TLCD4: variants seen among roughly 807,000 people sequenced by gnomAD.
The protein encoded by TLCD4 is TLC domain-containing protein 4.
Under a neutral mutation model 24.2 loss-of-function variants are expected in TLCD4, and 7 were observed. That is an observed-to-expected ratio of 0.29 (90% CI 0.16 to 0.54). The LOEUF is 0.54. Ranked by LOEUF, TLCD4 falls within the 20% of genes least tolerant of loss-of-function variation. The probability of loss-of-function intolerance (pLI) is 0.95; values close to 1 mark genes in which losing one functional copy is unlikely to be tolerated. For missense variants in TLCD4, 259 were observed against 313.9 expected, an observed-to-expected ratio of 0.82 and a Z score of 1.32; for synonymous variants, 103 against 106.4, an observed-to-expected ratio of 0.97 and a Z score of 0.20.
Position 95,119,651 on chromosome 1 carries a change from C to T in TLCD4, c.-12+2034C>T, listed in dbSNP as rs568502671. 1.4e-3 allele frequency among the ~76,000 whole-genome samples: 210 copies of T among 152,302 alleles called. 1 individual carries two copies. Among genetic ancestry groups the T allele is most frequent in the South Asian group, 2.5e-3 (12 of 4,824 alleles). On this transcript the variant is annotated intron_variant, in intron 1 of 6. Transcript: ENST00000370203. Reference sequence around the variant, plus strand: ...GTGTTTCTGGCTCCTCAGAGTCAAGCACAGCTGTCTTAACAGTTTTCAGAC... The same window carrying T: ...GTGTTTCTGGCTCCTCAGAGTCAAGTACAGCTGTCTTAACAGTTTTCAGAC...
intron 1 of TLCD4, among the ~76,000 whole-genome samples, chr1:95,140,380 A>C (rs531751373): frequency 3.3e-5 from 5 of 152,298 alleles, no homozygotes; most frequent in African/African-American, 1.2e-4. Flanking sequence ...TTATAATCTT[A>C]TGAGACCACC....
At chr1:95,181,580 ATTAT>A (rs563089465) in intron 6 of TLCD4, among the ~76,000 whole-genome samples, 1 of 146,104 alleles carries the variant, frequency 6.8e-6, no homozygotes, top group African/African-American at 2.5e-5. Context: ...AATTTGTTTA[ATTAT>A]TTATTTATTT....
At chr1:95,165,926 A>G (rs1678004847) in intron 5 of TLCD4, among the ~76,000 whole-genome samples, 1 of 152,302 alleles carries the variant, frequency 6.6e-6, no homozygotes, top group Non-Finnish European at 1.5e-5. Context: ...AGGAACTCTG[A>G]AAAGGGTTGG....
At chr1:95,152,701 AT>A (rs1432433657) in intron 5 of TLCD4, among the ~76,000 whole-genome samples, 1 of 152,152 alleles carries the variant, frequency 6.6e-6, no homozygotes. Context: ...TTAGAGCTTA[AT>A]GAATCCTCTT....
intron 2 of TLCD4, among the ~76,000 whole-genome samples, chr1:95,144,588 C>T (rs1282647910): frequency 1.3e-5 from 2 of 148,842 alleles, no homozygotes; most frequent in Admixed American, 1.3e-4. Flanking sequence ...GTAAAAATTT[C>T]TTTTTAGTTT....
chr1:95,112,123 T>C, the TLCD4 span, among the ~76,000 whole-genome samples: 1 of 152,120 alleles, frequency 6.6e-6, no homozygotes, highest in South Asian at 2.1e-4. Context: ...TGGCTTCTAC[T>C]CACTAGATGC....
At chr1:95,159,579 C>G (rs1313173365) in intron 5 of TLCD4, among the ~76,000 whole-genome samples, 1 of 152,062 alleles carries the variant, frequency 6.6e-6, no homozygotes, top group African/African-American at 2.4e-5. Flanking sequence ...AAGTCTTTGC[C>G]CATGCCTATG....
chr1:95,185,203 T>C (rs1409285460), intron 6 of TLCD4, among the ~76,000 whole-genome samples: 1 of 151,940 alleles, frequency 6.6e-6, no homozygotes, highest in African/African-American at 2.4e-5. Flanking sequence ...AGAGAAGCAG[T>C]GGAGGGGAGG....
chr1:95,192,890 A>C lies in TLCD4; in HGVS notation c.*1022A>C, dbSNP rs115557123. On this transcript the variant is annotated 3_prime_UTR_variant, in exon 7 of 7. Coordinates refer to ENST00000370203, the MANE Select transcript of TLCD4 (RefSeq NM_152487.3). Reference sequence around the variant, plus strand: ...AAGACAGATTATAGACCTCCTTAAGAGATGAGTTTCTTCTTCTAAAAATGC... The same window carrying C: ...AAGACAGATTATAGACCTCCTTAAGCGATGAGTTTCTTCTTCTAAAAATGC... The C allele has an allele frequency of 7.0e-3, 1,071 of 152,326 alleles. 7 individuals carry two copies. Among genetic ancestry groups the C allele is most frequent in the African/African-American group, 0.025 (1,029 of 41,574 alleles). The allele number at this position is 152,326 out of a possible 1,614,324, so 9.4% of individuals were successfully genotyped here.
chr1:95,161,620 C>A (rs1004790774), intron 5 of TLCD4, among the ~76,000 whole-genome samples: 2 of 152,166 alleles, frequency 1.3e-5, no homozygotes, highest in Non-Finnish European at 2.9e-5. Flanking sequence ...ATCTTTCCTG[C>A]TTTCTCTTGT....
At chr1:95,115,265 C>T (rs1019292745), upstream of TLCD4, among the ~76,000 whole-genome samples, 2 of 151,862 alleles carry the variant, frequency 1.3e-5, no homozygotes, top group African/African-American at 2.4e-5. Context: ...CACCACCATG[C>T]CTGGCTAATT....
chr1:95,120,772 G>T (rs772268245), intron 1 of TLCD4, among the ~76,000 whole-genome samples: 2 of 152,118 alleles, frequency 1.3e-5, no homozygotes, highest in Middle Eastern at 3.2e-3. Flanking sequence ...TGAGACCCAG[G>T]GCATAGCAAG....
chr1:95,177,366 A>C (rs995232134), intron 6 of TLCD4, among the ~76,000 whole-genome samples: 2 of 152,158 alleles, frequency 1.3e-5, no homozygotes, highest in Non-Finnish European at 2.9e-5. Flanking sequence ...CAGGGGTAAC[A>C]CAGTAAGTTG....
Position 95,192,011 on chromosome 1 carries a change from A to G in TLCD4, c.*143A>G, listed in dbSNP as rs1233033116. 4.2e-6 allele frequency: 6 copies of G among 1,440,404 alleles called. No homozygotes were observed. The East Asian group carries it at 1.2e-4, about 30-fold the overall frequency. 89.2% of individuals were successfully genotyped at this position (1,440,404 alleles called of 1,614,324 possible). ...TCATTTTTTTTAAACCTTAGAAAAG[A>G]GAAGGCCGGGCACGGTGGCTCATGC... On this transcript the variant is annotated 3_prime_UTR_variant, in exon 7 of 7. Transcript: ENST00000370203.
chr1:95,093,638 T>C, the TLCD4 span, among the ~76,000 whole-genome samples: 2 of 152,362 alleles, frequency 1.3e-5, no homozygotes, highest in African/African-American at 4.8e-5. Context: ...AGCCTTCACC[T>C]TCATGTAATG....
At chr1:95,187,004 T>C (rs1678850455) in intron 6 of TLCD4, among the ~76,000 whole-genome samples, 1 of 152,240 alleles carries the variant, frequency 6.6e-6, no homozygotes, top group Non-Finnish European at 1.5e-5. Flanking sequence ...TACACAGATA[T>C]GTTTTACTGC....
intron 1 of TLCD4, among the ~76,000 whole-genome samples, chr1:95,133,617 T>A (rs1160818076): frequency 6.6e-6 from 1 of 152,082 alleles, no homozygotes; most frequent in Non-Finnish European, 1.5e-5. Context: ...TGAAGTAGGA[T>A]GGGGGTCATC....
In TLCD4 at chr1:95,148,891, C is replaced by T. The variant is rs1031343495; in HGVS notation, c.245+100C>T. The T allele has an allele frequency of 2.0e-5, 27 of 1,378,632 alleles. No individual in the cohort carries two copies. In the African/African-American group the frequency reaches 3.5e-4, roughly 18 times the overall value. 85.4% of individuals were successfully genotyped at this position (1,378,632 alleles called of 1,614,324 possible). A position where few individuals can be genotyped will look rare whatever the true frequency, so the allele number is the denominator to read the frequency against. On this transcript the variant is annotated intron_variant, in intron 3 of 6. Coordinates refer to ENST00000370203, the MANE Select transcript of TLCD4 (RefSeq NM_152487.3). ...ACTTTAAAACAGAAAACATATTGAT[C>T]GTATATGCCTTATTAAAATGCTTGT...
chr1:95,181,023 G>A (rs940910279), intron 6 of TLCD4, among the ~76,000 whole-genome samples: 12 of 152,196 alleles, frequency 7.9e-5, no homozygotes, highest in African/African-American at 2.9e-4. Flanking sequence ...CTTGAACCCA[G>A]TTGGTGGAGG....
Sources: allele counts gnomAD v4.1 joint callset (sites outside exome capture counted in the v4.1 genomes callset), GRCh38; gene constraint gnomAD v4.1.1; transcripts MANE v1.5; gene names NCBI Gene and HGNC (gene_info 2026-07-23, HGNC 2026-07-21).